ALG8: variants seen among roughly 807,000 people sequenced by gnomAD.
ALG8 encodes the protein dolichyl pyrophosphate Glc1Man9GlcNAc2 alpha-1,3-glucosyltransferase.
A neutral mutation model predicts 70.2 loss-of-function variants in ALG8; 48 were observed. The observed-to-expected ratio is 0.68, with a 90% CI of 0.54 to 0.87. The LOEUF (loss-of-function observed/expected upper bound fraction) is 0.87. ALG8 is among the 40% of genes least tolerant of loss of function. ALG8 has a pLI of 0.00. For synonymous variants in ALG8, 234 were observed against 229.0 expected (o/e 1.02, Z -0.20); for missense variants, 572 against 608.7 (o/e 0.94, Z 0.64).
chr11:78,114,802 C>CAA (rs1197084667), intron 5 of ALG8: 9 of 363,220 alleles, frequency 2.5e-5, no homozygotes, highest in Non-Finnish European at 4.8e-5. Flanking sequence ...CCTGTCTCTA[C>CAA]AAAAAAATAA....
intron 1 of ALG8, chr11:78,138,669 GGGAAGGC>G (rs1565367701): frequency 2.2e-6 from 1 of 453,374 alleles, no homozygotes; most frequent in African/African-American, 2.0e-5. Flanking sequence ...GAAGGATGAA[GGGAAGGC>G]GGAAGCCAAT....
chr11:78,123,246 T>TGA (rs1224052453), intron 3 of ALG8, among the ~76,000 whole-genome samples: 1 of 136,752 alleles, frequency 7.3e-6, no homozygotes, highest in Non-Finnish European at 1.5e-5. Context: ...GCAGTTGCAG[T>TGA]GAGCCGAGAT....
chr11:78,126,359 C>A (rs1467822604), intron 2 of ALG8, among the ~76,000 whole-genome samples: 1 of 150,722 alleles, frequency 6.6e-6, no homozygotes, highest in Non-Finnish European at 1.5e-5. Flanking sequence ...GGGGAAACCC[C>A]CTCTTTACTA....
chr11:78,108,379 G>A (rs1860137579), intron 9 of ALG8, among the ~76,000 whole-genome samples: 1 of 152,094 alleles, frequency 6.6e-6, no homozygotes, highest in Non-Finnish European at 1.5e-5. Flanking sequence ...GGCTGAGGCA[G>A]GAGAATCGCC....
chr11:78,125,806 C>T (rs1861044687), intron 2 of ALG8, among the ~76,000 whole-genome samples: 1 of 151,742 alleles, frequency 6.6e-6, no homozygotes, highest in South Asian at 2.1e-4. Flanking sequence ...GACTTCGTCT[C>T]AAAAGAAAAG....
chr11:78,115,267 C>A (rs1860504804), intron 5 of ALG8, among the ~76,000 whole-genome samples: 1 of 152,122 alleles, frequency 6.6e-6, no homozygotes, highest in Non-Finnish European at 1.5e-5. Flanking sequence ...CTCCTGACCT[C>A]AGGTGATCCA....
intron 1 of ALG8, chr11:78,139,159 A>G: frequency 2.6e-6 from 1 of 391,296 alleles, no homozygotes; most frequent in Non-Finnish European, 4.8e-6. Flanking sequence ...ATCTCCCGGG[A>G]GTTAGAACGG....
At chr11:78,115,534 C>G (rs752139916) in intron 5 of ALG8, among the ~76,000 whole-genome samples, 11 of 151,906 alleles carry the variant, frequency 7.2e-5, no homozygotes, top group Non-Finnish European at 1.2e-4. Context: ...AAGTGCCCAC[C>G]ACCACGCCTG....
intron 8 of ALG8, among the ~76,000 whole-genome samples, chr11:78,111,639 C>CACACAT (rs1288532022): frequency 2.0e-5 from 3 of 148,578 alleles, no homozygotes; most frequent in Non-Finnish European, 4.5e-5. Flanking sequence ...CAGACACAGA[C>CACACAT]ACACATACAC....
chr11:78,137,839 A>G (rs1273204451), intron 1 of ALG8, among the ~76,000 whole-genome samples: 1 of 152,218 alleles, frequency 6.6e-6, no homozygotes, highest in Non-Finnish European at 1.5e-5. Context: ...AAAATGTAAC[A>G]CAGACACAAA....
Position 78,112,636 on chromosome 11 carries a change from G to T in ALG8, c.898+14C>A, listed in dbSNP as rs768109360. On this transcript the variant is annotated intron_variant, in intron 8 of 12. Coordinates refer to ENST00000299626, the MANE Select transcript of ALG8 (RefSeq NM_024079.5). ...AATATTCAGAGTCTGAGTAAAAAAT[G>T]CTCGCTACCATACCGATGACAGACA... 2 of 1,613,130 alleles carry T rather than the reference G, an allele frequency of 1.2e-6. No individual in the cohort carries two copies. Among genetic ancestry groups the T allele is most frequent in the East Asian group, 4.5e-5 (2 of 44,830 alleles).
intron 5 of ALG8, among the ~76,000 whole-genome samples, chr11:78,118,565 G>A (rs907156214): frequency 1.9e-4 from 29 of 149,292 alleles, no homozygotes; most frequent in African/African-American, 5.7e-4. Flanking sequence ...GCAGTGAGCC[G>A]GGATTGTGCC....
chr11:78,125,006 A>G (rs1195293637), intron 2 of ALG8, among the ~76,000 whole-genome samples: 1 of 143,848 alleles, frequency 7.0e-6, no homozygotes, highest in Non-Finnish European at 1.5e-5. Context: ...AGAATAGTAT[A>G]TTTTGTTAGA....
At chr11:78,137,791 A>G (rs112614829) in intron 1 of ALG8, 13 of 152,210 alleles carry the variant, frequency 8.5e-5, no homozygotes, top group African/African-American at 3.1e-4. Flanking sequence ...AACAAATATA[A>G]TAGCAATGAA....
chr11:78,127,268 C>T (rs1245560087), intron 2 of ALG8, 90 bp downstream of exon 2: 8 of 1,228,128 alleles, frequency 6.5e-6, no homozygotes, highest in South Asian at 1.3e-5. Context: ...TGAGCCACCG[C>T]ACCCAGCCAG....
In ALG8 at chr11:78,104,021, T is replaced by G; in HGVS notation, c.1308A>C (p.Leu436=). Residue 436 remains leucine, a synonymous_variant, in exon 12 of 13, where the codon CTA becomes CTC. Transcript: ENST00000299626. The part of the protein sequence containing the change: ...ELPIKILLML[L]FTIYSISSLK... ...GTGACGAAATACTATATATGGTGAA[T>G]AGTAACATGAGTAAGATTTTAATGG... The G allele has an allele frequency of 6.6e-7, 1 of 1,510,382 alleles. No individual in the cohort carries two copies. The highest frequency in any genetic ancestry group is 9.2e-7 in the Non-Finnish European group (1 of 1,089,574). 93.6% of individuals were successfully genotyped at this position (1,510,382 alleles called of 1,614,324 possible).
At position 78,109,706 on chromosome 11, in the gene ALG8, G is replaced by A. The variant is rs1242218389; in HGVS notation, c.899-125C>T. ...AATCTTATTGCTGCTTAAAGGCTAA[G>A]ATTTCATGAATTTAATCCTATACTA... On this transcript the variant is annotated intron_variant, in intron 8 of 12. Transcript: ENST00000299626. 6 of 969,590 alleles carry A rather than the reference G, an allele frequency of 6.2e-6. No individual in the cohort carries two copies. In the South Asian group the frequency reaches 8.6e-5, roughly 14 times the overall value. 60.1% of individuals were successfully genotyped at this position (969,590 alleles called of 1,614,324 possible).
At position 78,132,118 on chromosome 11, in the gene ALG8, A is replaced by G. The variant is rs548494188; in HGVS notation, c.96-4682T>C. Among the ~76,000 whole-genome samples, 11 of 152,200 alleles carry G rather than the reference A, an allele frequency of 7.2e-5. No homozygotes were observed. In the South Asian group the frequency reaches 1.9e-3, roughly 26 times the overall value. The stretch of plus-strand genomic sequence containing the variant: ...TGAGGTAGGTTCTTTAACTCTTACC[A>G]TTTCACCAGTGGCGTAGAGAAGCAG... On this transcript the variant is annotated intron_variant, in intron 1 of 12. Coordinates refer to ENST00000299626, the MANE Select transcript of ALG8 (RefSeq NM_024079.5).
chr11:78,106,479 G>A (rs772504386), intron 10 of ALG8, among the ~76,000 whole-genome samples: 2 of 152,192 alleles, frequency 1.3e-5, no homozygotes, highest in Non-Finnish European at 2.9e-5. Context: ...TTACAGGCGT[G>A]AGCTACCGCG....
Sources: allele counts gnomAD v4.1 joint callset (sites outside exome capture counted in the v4.1 genomes callset), GRCh38; gene constraint gnomAD v4.1.1; transcripts MANE v1.5; gene names NCBI Gene and HGNC (gene_info 2026-07-23, HGNC 2026-07-21).